The following PDK1 variants were observed in gnomAD, a reference collection of about 807,000 sequenced individuals.
The protein encoded by PDK1 is pyruvate dehydrogenase kinase 1.
In PDK1, 39 loss-of-function variants were observed where a neutral mutation model predicts 54.2. The observed-to-expected ratio is 0.72, with a 90% CI of 0.56 to 0.94. The LOEUF (loss-of-function observed/expected upper bound fraction) is 0.94, where lower values mean the gene tolerates loss of function less well. PDK1 is among the 40% of genes least tolerant of loss of function. PDK1 has a pLI of 0.00. For synonymous variants in PDK1, 221 were observed against 207.1 expected (o/e 1.07, Z -0.58); for missense variants, 552 against 566.0 (o/e 0.98, Z 0.25).
chr2:172,641,002 T>TTTTC, the PDK1 span, among the ~76,000 whole-genome samples: 1 of 26,086 alleles, frequency 3.8e-5, no homozygotes, highest in African/African-American at 4.8e-5. Flanking sequence ...TTTCTTTTTC[T>TTTTC]TTTCTTTCTT....
the PDK1 span, among the ~76,000 whole-genome samples, chr2:172,637,588 T>G: frequency 6.6e-6 from 1 of 152,248 alleles, no homozygotes; most frequent in Non-Finnish European, 1.5e-5. Flanking sequence ...GATTTACATT[T>G]AAGTCACCAT....
At chr2:172,681,882 C>A in the PDK1 span, among the ~76,000 whole-genome samples, 6 of 152,150 alleles carry the variant, frequency 3.9e-5, no homozygotes, top group Non-Finnish European at 5.9e-5. Context: ...CCTCAAACTC[C>A]TGATAGATGG....
chr2:172,664,381 C>T, the PDK1 span, among the ~76,000 whole-genome samples: 1 of 143,970 alleles, frequency 6.9e-6, no homozygotes, highest in East Asian at 2.2e-4. Context: ...TGATGCCAGT[C>T]TAATTCTTTT....
chr2:172,625,172 A>G, the PDK1 span, among the ~76,000 whole-genome samples: 1 of 152,154 alleles, frequency 6.6e-6, no homozygotes, highest in Admixed American at 6.5e-5. Flanking sequence ...AGCCACTGAG[A>G]TTTTGAGTCA....
At chr2:172,576,932 G>A (rs561367632) in intron 8 of PDK1, among the ~76,000 whole-genome samples, 1 of 152,258 alleles carries the variant, frequency 6.6e-6, no homozygotes, top group South Asian at 2.1e-4. Context: ...GCATTCTGAT[G>A]CTGTTGAATG....
At chr2:172,560,561 C>A (rs1202920733) in intron 2 of PDK1, among the ~76,000 whole-genome samples, 1 of 152,120 alleles carries the variant, frequency 6.6e-6, no homozygotes, top group African/African-American at 2.4e-5. Context: ...GGATTCAAAC[C>A]CCCATTTGTC....
At chr2:172,714,192 A>G in the PDK1 span, among the ~76,000 whole-genome samples, 1 of 152,250 alleles carries the variant, frequency 6.6e-6, no homozygotes. Flanking sequence ...AATTTTTCTC[A>G]TAAGTTTAAA....
the PDK1 span, among the ~76,000 whole-genome samples, chr2:172,667,122 C>T: frequency 6.6e-6 from 1 of 152,200 alleles, no homozygotes; most frequent in African/African-American, 2.4e-5. Flanking sequence ...CACCCACTCT[C>T]ACCCTTTCAC....
At chr2:172,563,225 G>A (rs1030282014) in intron 3 of PDK1, among the ~76,000 whole-genome samples, 4 of 152,124 alleles carry the variant, frequency 2.6e-5, no homozygotes, top group African/African-American at 9.7e-5. Flanking sequence ...GTCATTCAGA[G>A]CTGTGGAAAA....
At chr2:172,631,414 T>G in the PDK1 span, among the ~76,000 whole-genome samples, 1 of 152,238 alleles carries the variant, frequency 6.6e-6, no homozygotes, top group Non-Finnish European at 1.5e-5. Context: ...GAACCAACCT[T>G]CTCTGCTTGT....
At chr2:172,719,794 A>G in the PDK1 span, among the ~76,000 whole-genome samples, 2 of 152,196 alleles carry the variant, frequency 1.3e-5, no homozygotes, top group Non-Finnish European at 2.9e-5. Context: ...TAGAGCCTTT[A>G]ACATATTACT....
chr2:172,708,301 A>G, the PDK1 span, among the ~76,000 whole-genome samples: 1 of 152,108 alleles, frequency 6.6e-6, no homozygotes, highest in African/African-American at 2.4e-5. Context: ...AAAATTGCCA[A>G]CAGGATTTAG....
chr2:172,668,837 G>GTA, the PDK1 span, among the ~76,000 whole-genome samples: 186 of 129,016 alleles, frequency 1.4e-3, 1 homozygote, highest in African/African-American at 5.2e-3. Context: ...ACATATGTAT[G>GTA]TATATACACA....
At position 172,603,427 on chromosome 2, in the gene PDK1, A is replaced by C. The variant is rs924753650; in HGVS notation, c.*7458A>C. The C allele has an allele frequency of 2.6e-5, 4 of 152,226 alleles. No homozygotes were observed. The East Asian group carries it at 7.7e-4, about 29-fold the overall frequency. The allele number at this position is 152,226 out of a possible 1,614,324, so 9.4% of individuals were successfully genotyped here. A position where few individuals can be genotyped will look rare whatever the true frequency, so the allele number is the denominator to read the frequency against. Reference sequence around the variant, plus strand: ...GAACATATAACTAGTGGAAATCCTGATAATTGGCTAATGCAAGGAAGTGAT... The same window carrying C: ...GAACATATAACTAGTGGAAATCCTGCTAATTGGCTAATGCAAGGAAGTGAT... On this transcript the variant is annotated 3_prime_UTR_variant, in exon 11 of 11. Coordinates refer to ENST00000282077, the MANE Select transcript of PDK1 (RefSeq NM_002610.5).
downstream of PDK1, among the ~76,000 whole-genome samples, chr2:172,609,290 C>T (rs75202749): frequency 0.071 from 10,761 of 152,186 alleles, 501 homozygotes; most frequent in East Asian, 0.22. Flanking sequence ...GAAAGGGGAG[C>T]GCTGCTGTAC....
Position 172,596,069 on chromosome 2 carries a change from T to C in PDK1, c.*100T>C. 9.8e-7 allele frequency: 1 copy of C among 1,019,490 alleles called. No homozygotes were observed. Among genetic ancestry groups the C allele is most frequent in the Non-Finnish European group, 1.4e-6 (1 of 718,712 alleles). 63.2% of individuals were successfully genotyped at this position (1,019,490 alleles called of 1,614,324 possible). A position where few individuals can be genotyped will look rare whatever the true frequency, so the allele number is the denominator to read the frequency against. Reference sequence around the variant, plus strand: ...TTATACCAAGTACTTTATTTATCGTTTTCACAAAACTATTTGAGTAGAATA... The same window carrying C: ...TTATACCAAGTACTTTATTTATCGTCTTCACAAAACTATTTGAGTAGAATA... On this transcript the variant is annotated 3_prime_UTR_variant, in exon 11 of 11. Coordinates refer to ENST00000282077, the MANE Select transcript of PDK1 (RefSeq NM_002610.5).
rs990855558 is a variant in PDK1 at position 172,583,901 on chromosome 2, T to C, written c.946-2377T>C. Among the ~76,000 whole-genome samples, 7 of 152,164 alleles carry C rather than the reference T, an allele frequency of 4.6e-5. No homozygotes were observed. The South Asian group carries it at 6.2e-4, about 13-fold the overall frequency. On this transcript the variant is annotated intron_variant, in intron 8 of 10. Coordinates refer to ENST00000282077, the MANE Select transcript of PDK1 (RefSeq NM_002610.5). Reference sequence around the variant, plus strand: ...TTTGTGTATGACAACTATATTGTTATAGGCAGTAAAATCAATTCAGATTCT... The same window carrying C: ...TTTGTGTATGACAACTATATTGTTACAGGCAGTAAAATCAATTCAGATTCT...
intron 7 of PDK1, 175 bp from the exon 8 acceptor site, chr2:172,570,551 T>TC (rs951675573): frequency 1.4e-4 from 64 of 466,576 alleles, no homozygotes; most frequent in Middle Eastern, 5.3e-4. Flanking sequence ...ATCCTTCAAA[T>TC]CCCCCCCAAA....
chr2:172,586,203 G>T, intron 8 of PDK1, 75 bp from the exon 9 acceptor site: 1 of 806,022 alleles, frequency 1.2e-6, no homozygotes, highest in Non-Finnish European at 2.2e-6. Context: ...GTTAAACTGT[G>T]ATGCTATGAG....
Sources: gnomAD v4.1 joint callset for allele counts (sites outside exome capture counted in the v4.1 genomes callset) on GRCh38, gnomAD v4.1.1 for gene constraint, MANE v1.5 for transcripts, NCBI Gene and HGNC (gene_info 2026-07-23, HGNC 2026-07-21) for gene names.